Variants in NEK11 observed in about 807,000 individuals in gnomAD.
NEK11 encodes the protein serine/threonine-protein kinase Nek11.
In NEK11, 72 loss-of-function variants were observed where a neutral mutation model predicts 80.7. The observed-to-expected ratio is 0.89, with a 90% CI of 0.74 to 1.08. The LOEUF is 1.08. Among genes scored for constraint, NEK11 ranks in the 50% least tolerant of loss-of-function variants. NEK11 has a pLI of 0.00. For missense variants in NEK11, 764 were observed against 763.6 expected, an observed-to-expected ratio of 1.00 and a Z score of -0.01; for synonymous variants, 251 against 260.7, an observed-to-expected ratio of 0.96 and a Z score of 0.36.
At chr3:131,303,920 T>C (rs1280460043) in intron 17 of NEK11, among the ~76,000 whole-genome samples, 5 of 152,168 alleles carry the variant, frequency 3.3e-5, no homozygotes, top group Non-Finnish European at 7.4e-5. Flanking sequence ...GGAAAATTTT[T>C]ATAGACAATA....
At chr3:131,141,238 A>G (rs2149692281) in intron 7 of NEK11, among the ~76,000 whole-genome samples, 1 of 152,262 alleles carries the variant, frequency 6.6e-6, no homozygotes, top group African/African-American at 2.4e-5. Context: ...AAACTGCTGT[A>G]TACTGTTATA....
At chr3:131,116,758 G>A (rs1578516824) in intron 5 of NEK11, among the ~76,000 whole-genome samples, 1 of 152,124 alleles carries the variant, frequency 6.6e-6, no homozygotes, top group Non-Finnish European at 1.5e-5. Flanking sequence ...GTGTCTTTTG[G>A]CTGCATAAAT....
At chr3:131,119,276 G>A (rs1031107060) in intron 5 of NEK11, among the ~76,000 whole-genome samples, 1 of 152,112 alleles carries the variant, frequency 6.6e-6, no homozygotes, top group African/African-American at 2.4e-5. Context: ...GTAGTTGAGC[G>A]GTTTTGAGTG....
chr3:131,175,657 T>C (rs1396981830), intron 14 of NEK11, among the ~76,000 whole-genome samples: 2 of 152,196 alleles, frequency 1.3e-5, no homozygotes, highest in Non-Finnish European at 2.9e-5. Flanking sequence ...GAAAAGTTTG[T>C]AAGTTTGCTA....
At chr3:131,074,098 T>C (rs920663419) in intron 3 of NEK11, among the ~76,000 whole-genome samples, 2 of 152,116 alleles carry the variant, frequency 1.3e-5, no homozygotes, top group Non-Finnish European at 2.9e-5. Context: ...ATATACCCTT[T>C]CATGGCTTCC....
chr3:131,228,816 T>C, intron 15 of NEK11, 128 bp downstream of exon 15: 1 of 901,736 alleles, frequency 1.1e-6, no homozygotes, highest in South Asian at 2.3e-5. Flanking sequence ...TAATAGCTAC[T>C]TGTGGTAAGT....
At chr3:131,064,682 A>G (rs957411977) in intron 3 of NEK11, among the ~76,000 whole-genome samples, 4 of 152,186 alleles carry the variant, frequency 2.6e-5, no homozygotes, top group African/African-American at 9.7e-5. Context: ...AAGCTACTGA[A>G]TTGTACACTT....
At chr3:131,142,192 C>T (rs567524691) in intron 7 of NEK11, among the ~76,000 whole-genome samples, 15 of 152,326 alleles carry the variant, frequency 9.8e-5, no homozygotes, top group African/African-American at 3.4e-4. Flanking sequence ...TTGTGACACA[C>T]TTCATATCCA....
chr3:131,104,562 G>A (rs2078892301), intron 4 of NEK11, among the ~76,000 whole-genome samples: 1 of 152,140 alleles, frequency 6.6e-6, no homozygotes. Context: ...GCGATGACCA[G>A]CTGGAATGTT....
intron 17 of NEK11, among the ~76,000 whole-genome samples, chr3:131,334,273 G>A (rs1195207045): frequency 2.0e-5 from 3 of 152,116 alleles, no homozygotes; most frequent in Non-Finnish European, 4.4e-5. Context: ...CTGTCTCTCA[G>A]ACCACAGTGC....
At chr3:131,032,006 G>T (rs2064933588) in intron 3 of NEK11, among the ~76,000 whole-genome samples, 1 of 150,576 alleles carries the variant, frequency 6.6e-6, no homozygotes, top group Admixed American at 6.6e-5. Context: ...CTGTCTCCCA[G>T]GCTGAAGTGC....
intron 17 of NEK11, among the ~76,000 whole-genome samples, chr3:131,320,669 C>T (rs1375528880): frequency 2.6e-5 from 4 of 152,050 alleles, no homozygotes; most frequent in Admixed American, 2.0e-4. Context: ...AACAATGCCT[C>T]CCAGCTTAGA....
chr3:131,206,112 A>G (rs2094434063), intron 14 of NEK11, among the ~76,000 whole-genome samples: 1 of 152,192 alleles, frequency 6.6e-6, no homozygotes, highest in Non-Finnish European at 1.5e-5. Context: ...AGCCTTGTAC[A>G]GGCACCACAC....
chr3:131,115,964 T>TTCTTTCTTTCTTTC (rs1553878584), intron 5 of NEK11, among the ~76,000 whole-genome samples: 57 of 145,232 alleles, frequency 3.9e-4, no homozygotes, highest in Admixed American at 7.6e-4. Flanking sequence ...CTTTCTTTCT[T>TTCTTTCTTTCTTTC]TCTTTCTTTC....
intron 17 of NEK11, among the ~76,000 whole-genome samples, chr3:131,295,135 T>C (rs2109039650): frequency 6.6e-6 from 1 of 152,284 alleles, no homozygotes; most frequent in Middle Eastern, 3.4e-3. Flanking sequence ...TGTTTTCTAT[T>C]TGTTGTCTCT....
intron 14 of NEK11, among the ~76,000 whole-genome samples, chr3:131,224,459 C>T (rs1351819885): frequency 6.6e-6 from 1 of 152,074 alleles, no homozygotes; most frequent in Non-Finnish European, 1.5e-5. Context: ...GAACTCCTGA[C>T]CTCTGGTGAT....
chr3:131,166,854 C>T (rs1286687933), intron 12 of NEK11, among the ~76,000 whole-genome samples: 1 of 152,108 alleles, frequency 6.6e-6, no homozygotes, highest in Non-Finnish European at 1.5e-5. Context: ...CCTCTGAAAA[C>T]TGGGTGCATT....
At chr3:131,234,340 A>G (rs769415880) in intron 15 of NEK11, among the ~76,000 whole-genome samples, 1 of 152,224 alleles carries the variant, frequency 6.6e-6, no homozygotes, top group Non-Finnish European at 1.5e-5. Flanking sequence ...TTATTTTTAC[A>G]TGATCTGACC....
intron 3 of NEK11, chr3:131,054,692 G>A (rs1468370447): frequency 6.6e-6 from 1 of 151,896 alleles, no homozygotes; most frequent in Non-Finnish European, 1.5e-5. Context: ...GGGATGCAGA[G>A]GTTGCAGTGA....
Sources: allele counts gnomAD v4.1 joint callset (sites outside exome capture counted in the v4.1 genomes callset), GRCh38; gene constraint gnomAD v4.1.1; transcripts MANE v1.5; gene names NCBI Gene and HGNC (gene_info 2026-07-23, HGNC 2026-07-21).